Variants in FANCM observed in about 807,000 individuals in gnomAD.
FANCM encodes the protein Fanconi anemia group M protein.
Under a neutral mutation model 199.5 loss-of-function variants are expected in FANCM, and 140 were observed. That is an observed-to-expected ratio of 0.70 (90% CI 0.61 to 0.81). FANCM has a LOEUF of 0.81. Among genes scored for constraint, FANCM ranks in the 30% least tolerant of loss-of-function variants. The pLI is 0.00. For synonymous variants in FANCM, 840 were observed against 836.8 expected (o/e 1.00, Z -0.07); for missense variants, 2,410 against 2,421.4 (o/e 1.00, Z 0.10).
rs1890065005 is a variant in FANCM, at chr14:45,196,464, A to G, written c.5633A>G (p.Asn1878Ser). 6.2e-7 allele frequency: 1 copy of G among 1,613,958 alleles called. No individual in the cohort carries two copies. Among genetic ancestry groups the G allele is most frequent in the Non-Finnish European group, 8.5e-7 (1 of 1,179,948 alleles). ...QSEMLNSVNK[N>S]KFIEQIQHLQ... ...GAGATGTTAAATAGTGTCAATAAGA[A>G]CAAGTTCATTGAGCAGATCCAGCAC... Residue 1878 changes from asparagine to serine, a missense_variant, in exon 21 of 23, where the codon AAC becomes AGC. Transcript: ENST00000267430.
chr14:45,161,472 G>A lies in FANCM; in HGVS notation c.1581+2192G>A, dbSNP rs182036229. 7.2e-5 allele frequency among the ~76,000 whole-genome samples: 11 copies of A among 152,176 alleles called. No homozygotes were observed. In the East Asian group the frequency reaches 2.1e-3, roughly 29 times the overall value. On this transcript the variant is annotated intron_variant, in intron 9 of 22. Coordinates refer to ENST00000267430, the MANE Select transcript of FANCM (RefSeq NM_020937.4). ...GAGTTTGGGGCAGAGGATGGTCTTA[G>A]CTCGGTTTATATTTTAAAAGAATCA... is the stretch of plus-strand genomic sequence containing the variant.
intron 17 of FANCM, 112 bp downstream of exon 17, chr14:45,184,014 T>A (rs1035606302): frequency 1.3e-6 from 1 of 755,586 alleles, no homozygotes; most frequent in Non-Finnish European, 2.1e-6. Flanking sequence ...AAAAATTAAG[T>A]ATTTTGACAC....
chr14:45,195,528 A>C (rs1404450595), intron 20 of FANCM: 1 of 456,456 alleles, frequency 2.2e-6, no homozygotes, highest in East Asian at 6.9e-5. Context: ...CTGCCTCTGC[A>C]AAAAGAGGAG....
chr14:45,185,106 A>T (rs1295023940), intron 17 of FANCM, 111 bp from the exon 18 acceptor site: 5 of 789,944 alleles, frequency 6.3e-6, no homozygotes, highest in Non-Finnish European at 8.4e-6. Context: ...TTATTATTTT[A>T]TTAATCTTAA....
chr14:45,151,950 T>A, intron 5 of FANCM, among the ~76,000 whole-genome samples: 1 of 149,212 alleles, frequency 6.7e-6, no homozygotes, highest in Admixed American at 6.7e-5. Flanking sequence ...AATGTTTATA[T>A]AGTTTATAAA....
chr14:45,147,266 C>G (rs1886467766), intron 3 of FANCM, among the ~76,000 whole-genome samples: 1 of 152,178 alleles, frequency 6.6e-6, no homozygotes, highest in Admixed American at 6.5e-5. Flanking sequence ...CCGCCCCCCC[C>G]AAAACCAAGC....
At chr14:45,189,798 G>A (rs529537821) in intron 20 of FANCM, among the ~76,000 whole-genome samples, 93 of 152,038 alleles carry the variant, frequency 6.1e-4, no homozygotes, top group South Asian at 1.0e-3. Context: ...ATGAAATCCC[G>A]TCTCTACTAA....
chr14:45,154,341 C>T (rs375950184), intron 6 of FANCM, among the ~76,000 whole-genome samples: 2 of 150,622 alleles, frequency 1.3e-5, no homozygotes, highest in South Asian at 2.1e-4. Context: ...GCAGAGGTTG[C>T]CTTGAGTCAA....
Position 45,175,291 on chromosome 14 carries a change from A to G in FANCM, c.2537A>G (p.Lys846Arg). 6.3e-7 allele frequency: 1 copy of G among 1,585,014 alleles called. No homozygotes were observed. The highest frequency in any genetic ancestry group is 8.6e-7 in the Non-Finnish European group (1 of 1,168,564). The change falls in exon 14 of 23, where the codon AAA becomes AGA. Residue 846 changes from lysine (K) to arginine (R), a missense_variant. By Grantham distance (26) the Lys-to-Arg change is conservative. Coordinates refer to ENST00000267430, the MANE Select transcript of FANCM (RefSeq NM_020937.4). ...CAEIVKQTHI[K>R]PTKIVSLKKK... ...GAAATTGTTAAACAAACTCATATCA[A>G]ACCTACTAAAATTGTTTCTTTAAAG...
intron 13 of FANCM, 106 bp downstream of exon 13, chr14:45,173,316 T>C: frequency 9.9e-7 from 1 of 1,007,334 alleles, no homozygotes; most frequent in Non-Finnish European, 1.6e-6. Context: ...TGTTTTTCTG[T>C]ATAGTTCCTT....
intron 8 of FANCM, 64 bp downstream of exon 8, chr14:45,155,523 T>C (rs1887122503): frequency 3.5e-6 from 3 of 869,438 alleles, no homozygotes; most frequent in Non-Finnish European, 5.8e-6. Flanking sequence ...ACTTTACTTA[T>C]GGCTGGGTGC....
chr14:45,136,602 T>A, intron 1 of FANCM, 63 bp downstream of exon 1: 1 of 1,508,236 alleles, frequency 6.6e-7, no homozygotes, highest in Non-Finnish European at 9.1e-7. Flanking sequence ...GTGGAATAGT[T>A]CCCAAGCTAC....
intron 9 of FANCM, among the ~76,000 whole-genome samples, chr14:45,162,166 ATTTGAGGTCAGGAG>A (rs1887653914): frequency 6.6e-6 from 1 of 152,168 alleles, no homozygotes; most frequent in Non-Finnish European, 1.5e-5. Context: ...CAGGTGTATC[ATTTGAGGTCAGGAG>A]TTTGAGACCA....
At chr14:45,156,191 A>T (rs1887177707) in intron 8 of FANCM, among the ~76,000 whole-genome samples, 1 of 152,098 alleles carries the variant, frequency 6.6e-6, no homozygotes, top group African/African-American at 2.4e-5. Flanking sequence ...GGGGAGAGAT[A>T]ATTCCAAGCA....
chr14:45,142,444 T>C (rs939328277), intron 3 of FANCM, among the ~76,000 whole-genome samples: 2 of 151,772 alleles, frequency 1.3e-5, no homozygotes, highest in African/African-American at 4.9e-5. Flanking sequence ...GTAGCTGGGA[T>C]TACAGTCACC....
intron 9 of FANCM, 65 bp from the exon 10 acceptor site, chr14:45,164,294 A>T: frequency 1.5e-6 from 2 of 1,350,078 alleles, no homozygotes; most frequent in Non-Finnish European, 2.1e-6. Flanking sequence ...GTGGGGAAAA[A>T]TATGCTTTGA....
intron 21 of FANCM, among the ~76,000 whole-genome samples, chr14:45,197,470 GT>G (rs11362125): frequency 0.18 from 24,917 of 141,440 alleles, 2,357 homozygotes; most frequent in African/African-American, 0.29. Context: ...TTTTTTTTTT[GT>G]TTTTTTTTTT....
chr14:45,157,586 G>A (rs1278663835), intron 8 of FANCM, among the ~76,000 whole-genome samples: 3 of 152,156 alleles, frequency 2.0e-5, no homozygotes, highest in Non-Finnish European at 2.9e-5. Context: ...GAGCTTTAGT[G>A]GAATGAGGGT....
chr14:45,198,284 G>A (rs1337767735), intron 21 of FANCM, among the ~76,000 whole-genome samples: 1 of 152,056 alleles, frequency 6.6e-6, no homozygotes, highest in Non-Finnish European at 1.5e-5. Context: ...TTATTCTTTG[G>A]AATAAATACC....
Sources: allele counts gnomAD v4.1 joint callset (sites outside exome capture counted in the v4.1 genomes callset), GRCh38; gene constraint gnomAD v4.1.1; transcripts MANE v1.5; gene names NCBI Gene and HGNC (gene_info 2026-07-23, HGNC 2026-07-21).